CADM2: variants seen among roughly 807,000 people sequenced by gnomAD.
CADM2 encodes the protein cell adhesion molecule 2.
A neutral mutation model predicts 49.8 loss-of-function variants in CADM2; 12 were observed. The ratio of observed to expected loss-of-function variants is 0.24; its 90% CI spans 0.15 to 0.39. The LOEUF (loss-of-function observed/expected upper bound fraction) is 0.39, where lower values mean the gene tolerates loss of function less well. Among genes scored for constraint, CADM2 ranks in the 10% least tolerant of loss-of-function variants. CADM2 has a pLI of 1.00. For synonymous variants in CADM2, 214 were observed against 175.4 expected (o/e 1.22, Z -1.74); for missense variants, 378 against 492.3 (o/e 0.77, Z 2.20).
In CADM2 at chr3:86,073,957, A is replaced by G. The variant is rs925466486; in HGVS notation, c.*7174A>G. ...ACATTTAATCGTTATTCCTTGGAAT[A>G]TATGAACCTTGTAAAGTGATGACTA... On this transcript the variant is annotated 3_prime_UTR_variant, in exon 10 of 10. Coordinates refer to ENST00000383699, the MANE Select transcript of CADM2 (RefSeq NM_001167675.2). 2 of 152,036 alleles carry G rather than the reference A, an allele frequency of 1.3e-5. No individual in the cohort carries two copies. The highest frequency in any genetic ancestry group is 2.4e-5 in the African/African-American group (1 of 41,470). 9.4% of individuals were successfully genotyped at this position (152,036 alleles called of 1,614,324 possible).
intron 2 of CADM2, among the ~76,000 whole-genome samples, chr3:85,729,183 T>C (rs2067833130): frequency 6.6e-6 from 1 of 152,170 alleles, no homozygotes. Context: ...AGTGGCACTG[T>C]ACATACTTCA....
At chr3:85,892,739 C>T (rs560126358) in intron 5 of CADM2, among the ~76,000 whole-genome samples, 2 of 152,106 alleles carry the variant, frequency 1.3e-5, no homozygotes, top group African/African-American at 2.4e-5. Context: ...CAGACTAATA[C>T]ACTAATGAGA....
At chr3:85,508,809 C>T (rs1286277705) in intron 1 of CADM2, among the ~76,000 whole-genome samples, 2 of 148,816 alleles carry the variant, frequency 1.3e-5, no homozygotes, top group African/African-American at 5.0e-5. Flanking sequence ...CGAAGAGCCT[C>T]ATCCTGAAAG....
chr3:85,047,627 A>G (rs1487971780), intron 1 of CADM2, among the ~76,000 whole-genome samples: 4 of 152,130 alleles, frequency 2.6e-5, no homozygotes, highest in African/African-American at 2.4e-5. Flanking sequence ...TAACTTTCAC[A>G]AATGGTTTTA....
At chr3:85,661,907 C>G (rs969167411) in intron 1 of CADM2, among the ~76,000 whole-genome samples, 1 of 151,898 alleles carries the variant, frequency 6.6e-6, no homozygotes. Context: ...ATGAAATATT[C>G]TATTCTCTTT....
chr3:85,860,782 G>T (rs2075499121), intron 3 of CADM2, among the ~76,000 whole-genome samples: 1 of 152,124 alleles, frequency 6.6e-6, no homozygotes, highest in Non-Finnish European at 1.5e-5. Context: ...TTGGAGGAAG[G>T]GGGACACAAA....
chr3:85,120,235 G>A (rs1331556703), intron 1 of CADM2, among the ~76,000 whole-genome samples: 1 of 152,182 alleles, frequency 6.6e-6, no homozygotes, highest in Non-Finnish European at 1.5e-5. Context: ...ACTGTAGGTG[G>A]TAGTGTAAAC....
chr3:85,579,922 A>G (rs1205238672), intron 1 of CADM2, among the ~76,000 whole-genome samples: 6 of 152,190 alleles, frequency 3.9e-5, no homozygotes, highest in Non-Finnish European at 8.8e-5. Flanking sequence ...TACATCCTGC[A>G]GAAAATGTAT....
At chr3:85,697,274 C>A (rs2066598251) in intron 1 of CADM2, among the ~76,000 whole-genome samples, 1 of 151,804 alleles carries the variant, frequency 6.6e-6, no homozygotes, top group Admixed American at 6.6e-5. Flanking sequence ...ATAATATTCC[C>A]AAATGCTAGA....
At chr3:85,264,704 A>T (rs2043084503) in intron 1 of CADM2, among the ~76,000 whole-genome samples, 1 of 152,110 alleles carries the variant, frequency 6.6e-6, no homozygotes. Flanking sequence ...AACAGATATA[A>T]TAATCATATA....
chr3:85,239,801 T>C (rs183844877), intron 1 of CADM2, among the ~76,000 whole-genome samples: 168 of 151,556 alleles, frequency 1.1e-3, no homozygotes, highest in African/African-American at 3.8e-3. Context: ...TTTATTTTAT[T>C]CAGTTCTTAG....
At chr3:85,020,818 T>A (rs1243644566) in intron 1 of CADM2, among the ~76,000 whole-genome samples, 1 of 151,894 alleles carries the variant, frequency 6.6e-6, no homozygotes, top group Non-Finnish European at 1.5e-5. Flanking sequence ...GTGGATTTTA[T>A]TGGCATTGCG....
At chr3:85,031,861 G>A (rs983025274) in intron 1 of CADM2, among the ~76,000 whole-genome samples, 3 of 152,020 alleles carry the variant, frequency 2.0e-5, no homozygotes, top group Non-Finnish European at 4.4e-5. Flanking sequence ...TTTTCATCAG[G>A]TAGTGAATTA....
At chr3:85,926,892 C>T (rs1281629798) in intron 6 of CADM2, among the ~76,000 whole-genome samples, 3 of 151,980 alleles carry the variant, frequency 2.0e-5, no homozygotes, top group Non-Finnish European at 4.4e-5. Flanking sequence ...TTTAACAGAA[C>T]ATAGTATGAA....
At chr3:85,896,969 A>T (rs1361812939) in intron 5 of CADM2, among the ~76,000 whole-genome samples, 3 of 152,104 alleles carry the variant, frequency 2.0e-5, no homozygotes, top group Non-Finnish European at 4.4e-5. Flanking sequence ...AGGCCTAAAA[A>T]TTCCATTATT....
At chr3:85,325,408 T>C (rs528465743) in intron 1 of CADM2, among the ~76,000 whole-genome samples, 1 of 152,298 alleles carries the variant, frequency 6.6e-6, no homozygotes, top group African/African-American at 2.4e-5. Flanking sequence ...ATCAGTTAAT[T>C]ACTTTTCTAA....
chr3:85,693,352 A>C (rs960317259), intron 1 of CADM2, among the ~76,000 whole-genome samples: 1 of 151,812 alleles, frequency 6.6e-6, no homozygotes, highest in African/African-American at 2.4e-5. Flanking sequence ...AGGCCGAGGC[A>C]GGCAGATCAG....
chr3:85,238,146 T>C lies in CADM2; in HGVS notation c.61+278478T>C, dbSNP rs73130739. Among the ~76,000 whole-genome samples, 1,224 of 152,088 alleles carry C rather than the reference T, an allele frequency of 8.0e-3. 13 individuals carry two copies. Among genetic ancestry groups the C allele is most frequent in the Middle Eastern group, 0.014 (4 of 294 alleles). On this transcript the variant is annotated intron_variant, in intron 1 of 9. Coordinates refer to ENST00000383699, the MANE Select transcript of CADM2 (RefSeq NM_001167675.2). ...TATGGCTATTTTTCTTTAAAAGCTG[T>C]AAATTTTAATTTGCAATTAAATATT... is the stretch of plus-strand genomic sequence containing the variant.
intron 1 of CADM2, among the ~76,000 whole-genome samples, chr3:85,044,809 T>TC (rs2035585342): frequency 1.3e-5 from 2 of 150,966 alleles, no homozygotes; most frequent in African/African-American, 4.9e-5. Flanking sequence ...CTTTTCTTTT[T>TC]TTTTTTTGGA....
Sources: gnomAD v4.1 joint callset for allele counts (sites outside exome capture counted in the v4.1 genomes callset) on GRCh38, gnomAD v4.1.1 for gene constraint, MANE v1.5 for transcripts, NCBI Gene and HGNC (gene_info 2026-07-23, HGNC 2026-07-21) for gene names.